NRP1: variants seen among roughly 807,000 people sequenced by gnomAD.
NRP1 encodes the protein neuropilin-1.
Under a neutral mutation model 106.7 loss-of-function variants are expected in NRP1, and 35 were observed. The observed-to-expected ratio is 0.33, with a 90% confidence interval of 0.25 to 0.43. The LOEUF (loss-of-function observed/expected upper bound fraction) is 0.43, where lower values mean the gene tolerates loss of function less well. Among genes scored for constraint, NRP1 ranks in the 20% least tolerant of loss-of-function variants. NRP1 has a pLI of 1.00. For synonymous variants in NRP1, 437 were observed against 417.9 expected, an observed-to-expected ratio of 1.05 and a Z score of -0.56; for missense variants, 1,024 against 1,170.4, an observed-to-expected ratio of 0.87 and a Z score of 1.83.
chr10:33,192,712 C>CAA (rs1218543215), intron 12 of NRP1, among the ~76,000 whole-genome samples: 1 of 152,154 alleles, frequency 6.6e-6, no homozygotes, highest in African/African-American at 2.4e-5. Context: ...TTTTCTAAAG[C>CAA]ACGTGTATTA....
chr10:33,263,593 G>A (rs977306240), intron 4 of NRP1, 53 bp downstream of exon 4: 2 of 1,335,486 alleles, frequency 1.5e-6, no homozygotes, highest in Non-Finnish European at 2.1e-6. Flanking sequence ...AAAGAATACT[G>A]GTGCCCTTCC....
chr10:33,275,129 G>T (rs971874717), intron 2 of NRP1, among the ~76,000 whole-genome samples: 1 of 152,268 alleles, frequency 6.6e-6, no homozygotes, highest in East Asian at 1.9e-4. Context: ...CACTAGAGTC[G>T]TCCCCTAATA....
chr10:33,209,464 C>T (rs1372048970), intron 9 of NRP1, among the ~76,000 whole-genome samples: 1 of 152,058 alleles, frequency 6.6e-6, no homozygotes, highest in Admixed American at 6.6e-5. Context: ...CCATCTAGTC[C>T]AGTCTCCTCA....
At chr10:33,244,816 A>G (rs553346255) in intron 6 of NRP1, among the ~76,000 whole-genome samples, 2 of 152,332 alleles carry the variant, frequency 1.3e-5, no homozygotes, top group South Asian at 4.1e-4. Context: ...AGTGACATAC[A>G]ACGTTCATGT....
intron 4 of NRP1, among the ~76,000 whole-genome samples, chr10:33,257,210 T>A (rs1018070480): frequency 3.9e-5 from 6 of 152,182 alleles, no homozygotes; most frequent in Admixed American, 6.5e-5. Context: ...TCTTCTCTCC[T>A]AAATCTGAGA....
intron 13 of NRP1, among the ~76,000 whole-genome samples, chr10:33,188,433 T>C (rs1836165428): frequency 6.6e-6 from 1 of 152,106 alleles, no homozygotes. Flanking sequence ...CCTTCATACC[T>C]GTATTTCCAG....
At chr10:33,234,426 GTAA>G (rs1300354327) in intron 6 of NRP1, among the ~76,000 whole-genome samples, 1 of 151,984 alleles carries the variant, frequency 6.6e-6, no homozygotes, top group Non-Finnish European at 1.5e-5. Context: ...TAATTTCTCA[GTAA>G]TAATAATTAA....
At chr10:33,231,142 A>G (rs1840095535) in intron 6 of NRP1, among the ~76,000 whole-genome samples, 1 of 152,160 alleles carries the variant, frequency 6.6e-6, no homozygotes, top group African/African-American at 2.4e-5. Context: ...TTTGACTGGA[A>G]ATGACTTTTT....
intron 12 of NRP1, among the ~76,000 whole-genome samples, chr10:33,196,335 C>A (rs552233445): frequency 6.6e-6 from 1 of 152,248 alleles, no homozygotes; most frequent in Admixed American, 6.5e-5. Context: ...CATTTGTTCA[C>A]CTCACCCCTC....
chr10:33,277,490 G>A (rs984016199), intron 2 of NRP1, among the ~76,000 whole-genome samples: 1 of 152,014 alleles, frequency 6.6e-6, no homozygotes, highest in Non-Finnish European at 1.5e-5. Flanking sequence ...CACCACCAGC[G>A]CTGCCACCAG....
intron 6 of NRP1, among the ~76,000 whole-genome samples, chr10:33,235,687 C>A (rs1179243918): frequency 7.2e-5 from 11 of 152,262 alleles, no homozygotes; most frequent in Non-Finnish European, 1.5e-5. Flanking sequence ...ATCTGGACAC[C>A]AGGACACACT....
At chr10:33,209,629 A>G (rs1248475064) in intron 9 of NRP1, among the ~76,000 whole-genome samples, 2 of 152,138 alleles carry the variant, frequency 1.3e-5, no homozygotes, top group Admixed American at 1.3e-4. Context: ...GGTGCCCACC[A>G]ACATGCCTGG....
chr10:33,222,500 T>TTTAC (rs1491387305), intron 7 of NRP1, among the ~76,000 whole-genome samples: 1 of 105,290 alleles, frequency 9.5e-6, no homozygotes, highest in African/African-American at 3.5e-5. Flanking sequence ...TGCGTCAAGA[T>TTTAC]TTATTTATTT....
At chr10:33,283,176 T>A (rs1844268354) in intron 2 of NRP1, among the ~76,000 whole-genome samples, 1 of 152,250 alleles carries the variant, frequency 6.6e-6, no homozygotes, top group Non-Finnish European at 1.5e-5. Context: ...TTTAGAGATG[T>A]ACCTAATAAT....
chr10:33,284,878 T>C (rs7079372), intron 2 of NRP1, among the ~76,000 whole-genome samples: 113,288 of 152,164 alleles, frequency 0.74, 42,568 homozygotes, highest in Non-Finnish European at 0.8. Context: ...AGTGCCGTCA[T>C]GAAGGGCTTG....
intron 3 of NRP1, among the ~76,000 whole-genome samples, chr10:33,270,205 C>T (rs1263322311): frequency 6.6e-6 from 1 of 152,072 alleles, no homozygotes; most frequent in East Asian, 1.9e-4. Flanking sequence ...GGGTAATTTA[C>T]CTTTATTTAA....
At chr10:33,206,071 T>C (rs967001234) in intron 10 of NRP1, 3 of 398,398 alleles carry the variant, frequency 7.5e-6, no homozygotes. Context: ...TCTTTCACTG[T>C]CATCATGTTC....
Position 33,188,910 on chromosome 10 carries a change from A to AATATATATATATATATAT in NRP1, c.2063-2440_2063-2423dup, listed in dbSNP as rs9299704. Among the ~76,000 whole-genome samples, 1,063 of 111,118 alleles carry AATATATATATATATATAT rather than the reference A, an allele frequency of 9.6e-3. 13 individuals carry two copies. Among genetic ancestry groups the AATATATATATATATATAT allele is most frequent in the East Asian group, 0.02 (56 of 2,758 alleles). The allele number at this position is 111,118 out of a possible 152,430, so 72.9% of individuals were successfully genotyped here. A position where few individuals can be genotyped will look rare whatever the true frequency, so the allele number is the denominator to read the frequency against. ...CCTAGGCAACAGAGACCCTGTCTTA[A>AATATATATATATATATAT]ATATATATATATATATATATATATA... On this transcript the variant is annotated intron_variant, in intron 13 of 16. Transcript: ENST00000374867.
intron 16 of NRP1, 64 bp downstream of exon 16, chr10:33,182,634 C>T (rs973990420): frequency 8.6e-7 from 1 of 1,156,650 alleles, no homozygotes; most frequent in Admixed American, 1.8e-5. Context: ...CACAAAGTTT[C>T]TTCATAAACA....
Sources: allele counts gnomAD v4.1 joint callset (sites outside exome capture counted in the v4.1 genomes callset), GRCh38; gene constraint gnomAD v4.1.1; transcripts MANE v1.5; gene names NCBI Gene and HGNC (gene_info 2026-07-23, HGNC 2026-07-21).